CTNNA3: variants seen among roughly 807,000 people sequenced by gnomAD.
CTNNA3 encodes catenin alpha 3.
A neutral mutation model predicts 95.7 loss-of-function variants in CTNNA3; 76 were observed. The ratio of observed to expected loss-of-function variants is 0.79; its 90% CI spans 0.66 to 0.96. CTNNA3 has a LOEUF of 0.96. CTNNA3 is among the 40% of genes least tolerant of loss of function. The pLI, the probability that CTNNA3 is intolerant of heterozygous loss-of-function variation, is 0.00. For synonymous variants in CTNNA3, 431 were observed against 374.4 expected (o/e 1.15, Z -1.74); for missense variants, 1,191 against 1,089.8 (o/e 1.09, Z -1.31).
intron 5 of CTNNA3, among the ~76,000 whole-genome samples, chr10:67,395,940 T>G (rs1844690996): frequency 6.6e-6 from 1 of 152,168 alleles, no homozygotes; most frequent in South Asian, 2.1e-4. Flanking sequence ...TCCAATATAT[T>G]AAGCTGCCTA....
chr10:67,438,830 T>A (rs901257356), intron 5 of CTNNA3, among the ~76,000 whole-genome samples: 5 of 152,194 alleles, frequency 3.3e-5, no homozygotes, highest in African/African-American at 1.2e-4. Context: ...CATGCTGGGC[T>A]TAGCCAGCTC....
intron 9 of CTNNA3, among the ~76,000 whole-genome samples, chr10:66,702,294 A>AT (rs1019545788): frequency 9.3e-5 from 14 of 151,138 alleles, no homozygotes; most frequent in South Asian, 2.1e-4. Flanking sequence ...CTGTGTGCTG[A>AT]TTTTTTTTTA....
intron 14 of CTNNA3, among the ~76,000 whole-genome samples, chr10:66,071,609 A>C (rs752054040): frequency 6.6e-6 from 1 of 152,154 alleles, no homozygotes; most frequent in Non-Finnish European, 1.5e-5. Flanking sequence ...ATATATACAC[A>C]TTCTCCATGA....
intron 12 of CTNNA3, among the ~76,000 whole-genome samples, chr10:66,285,691 T>C (rs1317535753): frequency 6.6e-6 from 1 of 151,724 alleles, no homozygotes; most frequent in Non-Finnish European, 1.5e-5. Flanking sequence ...ATAAATTTTA[T>C]TTTTTTAAAT....
At chr10:65,944,505 G>T (rs1377099178) in intron 17 of CTNNA3, among the ~76,000 whole-genome samples, 1 of 152,192 alleles carries the variant, frequency 6.6e-6, no homozygotes, top group Non-Finnish European at 1.5e-5. Flanking sequence ...CCAGAAAAAA[G>T]AATTACTGCA....
intron 5 of CTNNA3, among the ~76,000 whole-genome samples, chr10:67,342,161 G>A (rs1174034432): frequency 7.7e-6 from 1 of 130,632 alleles, no homozygotes; most frequent in Non-Finnish European, 1.6e-5. Context: ...GAGTGCAAAG[G>A]CGCGGTCTCG....
At chr10:67,461,805 A>T (rs74142803) in intron 5 of CTNNA3, among the ~76,000 whole-genome samples, 5 of 152,192 alleles carry the variant, frequency 3.3e-5, no homozygotes, top group Non-Finnish European at 5.9e-5. Context: ...TGTATGTTTC[A>T]TTAAACATCC....
intron 13 of CTNNA3, among the ~76,000 whole-genome samples, chr10:66,225,128 T>A (rs1267009847): frequency 6.6e-6 from 1 of 151,836 alleles, no homozygotes; most frequent in African/African-American, 2.4e-5. Context: ...TAGAACCCTA[T>A]AACCTATTCC....
intron 11 of CTNNA3, among the ~76,000 whole-genome samples, chr10:66,489,068 A>G (rs1839832239): frequency 6.6e-6 from 1 of 152,178 alleles, no homozygotes; most frequent in South Asian, 2.1e-4. Flanking sequence ...GGAGCCGAGA[A>G]GACAGACGTA....
At chr10:66,787,770 A>C (rs1364374524) in intron 7 of CTNNA3, among the ~76,000 whole-genome samples, 1 of 152,196 alleles carries the variant, frequency 6.6e-6, no homozygotes, top group Admixed American at 6.5e-5. Context: ...CTTATAATAG[A>C]TACATGTTTC....
chr10:66,621,591 C>CAA (rs111590769), intron 10 of CTNNA3, 101 bp downstream of exon 10: 1,235 of 487,754 alleles, frequency 2.5e-3, no homozygotes, highest in African/African-American at 6.2e-3. Flanking sequence ...GACCTGGTCT[C>CAA]AAAAAAAAAA....
chr10:67,450,137 G>A (rs751408218), intron 5 of CTNNA3, among the ~76,000 whole-genome samples: 32 of 151,950 alleles, frequency 2.1e-4, no homozygotes, highest in Non-Finnish European at 4.1e-4. Flanking sequence ...ATTTAAAAGT[G>A]AAAAAATAAC....
At chr10:67,423,059 T>G (rs954370660) in intron 5 of CTNNA3, among the ~76,000 whole-genome samples, 1 of 152,180 alleles carries the variant, frequency 6.6e-6, no homozygotes, top group African/African-American at 2.4e-5. Context: ...CTAGATTTAT[T>G]TGAATATATT....
chr10:67,286,263 C>T (rs1196719949), intron 5 of CTNNA3, among the ~76,000 whole-genome samples: 1 of 152,194 alleles, frequency 6.6e-6, no homozygotes, highest in Non-Finnish European at 1.5e-5. Flanking sequence ...TTTCTCATGA[C>T]AGCTATATTC....
intron 2 of CTNNA3, among the ~76,000 whole-genome samples, chr10:67,640,702 A>T (rs1201611076): frequency 2.6e-5 from 4 of 152,158 alleles, no homozygotes; most frequent in Admixed American, 6.5e-5. Context: ...ATAATGCCAC[A>T]CAAGTACAAC....
intron 1 of CTNNA3, among the ~76,000 whole-genome samples, chr10:67,674,934 T>C (rs1047258750): frequency 3.3e-5 from 5 of 152,232 alleles, no homozygotes; most frequent in Middle Eastern, 3.4e-3. Flanking sequence ...CATTGTAACA[T>C]CTGTATATGA....
chr10:65,988,045 G>A (rs145513831), intron 16 of CTNNA3, among the ~76,000 whole-genome samples: 4 of 152,110 alleles, frequency 2.6e-5, no homozygotes, highest in Admixed American at 2.6e-4. Flanking sequence ...AGCGGAGAGG[G>A]GAAGATAAAA....
At chr10:67,096,026 C>T (rs769043546) in intron 7 of CTNNA3, among the ~76,000 whole-genome samples, 5 of 151,696 alleles carry the variant, frequency 3.3e-5, no homozygotes, top group Admixed American at 1.3e-4. Context: ...CTTTCATTCA[C>T]GCATCAGATA....
intron 8 of CTNNA3, among the ~76,000 whole-genome samples, chr10:66,772,729 C>A (rs1840144499): frequency 6.6e-6 from 1 of 152,178 alleles, no homozygotes; most frequent in Admixed American, 6.5e-5. Flanking sequence ...TTAGATATTT[C>A]TAAGCAATCT....
Sources: allele counts gnomAD v4.1 joint callset (sites outside exome capture counted in the v4.1 genomes callset), GRCh38; gene constraint gnomAD v4.1.1; transcripts MANE v1.5; gene names NCBI Gene and HGNC (gene_info 2026-07-23, HGNC 2026-07-21).